ADGRL3: variants seen among roughly 807,000 people sequenced by gnomAD.
ADGRL3 encodes the protein calcium-independent alpha-latrotoxin receptor 3.
A neutral mutation model predicts 153.5 loss-of-function variants in ADGRL3; 62 were observed. The observed-to-expected ratio is 0.40, with a 90% CI of 0.33 to 0.50. The LOEUF (loss-of-function observed/expected upper bound fraction) is 0.50. ADGRL3 is among the 20% of genes least tolerant of loss of function. The pLI is 0.47. For synonymous variants in ADGRL3, 710 were observed against 672.5 expected, an observed-to-expected ratio of 1.06 and a Z score of -0.86; for missense variants, 1,641 against 1,859.4, an observed-to-expected ratio of 0.88 and a Z score of 2.16.
At chr4:61,680,444 GTGTGTT>G (rs1264113770) in intron 6 of ADGRL3, among the ~76,000 whole-genome samples, 1 of 128,210 alleles carries the variant, frequency 7.8e-6, no homozygotes. Flanking sequence ...GTGTGTGTGT[GTGTGTT>G]TCCATGGCAA....
chr4:61,455,465 T>C (rs2097723608), intron 2 of ADGRL3, among the ~76,000 whole-genome samples: 1 of 152,116 alleles, frequency 6.6e-6, no homozygotes, highest in African/African-American at 2.4e-5. Flanking sequence ...ATTCATTTAT[T>C]CAAGAAGTTT....
At chr4:61,832,800 T>C (rs975721505) in intron 9 of ADGRL3, among the ~76,000 whole-genome samples, 36 of 147,298 alleles carry the variant, frequency 2.4e-4, no homozygotes, top group African/African-American at 9.2e-4. Context: ...TTTCTCTCTC[T>C]GTTTTCTTTT....
chr4:61,957,330 T>A (rs78232212), intron 17 of ADGRL3, among the ~76,000 whole-genome samples: 4,042 of 152,224 alleles, frequency 0.027, 78 homozygotes, highest in Non-Finnish European at 0.04. Flanking sequence ...GATTTGGCTC[T>A]CTACTTGTCT....
At chr4:61,910,992 G>A (rs755255142) in intron 12 of ADGRL3, among the ~76,000 whole-genome samples, 2 of 151,652 alleles carry the variant, frequency 1.3e-5, no homozygotes, top group South Asian at 2.1e-4. Flanking sequence ...TGAGCATAAA[G>A]GAGTTATTTT....
At chr4:61,608,656 G>A (rs191851562) in intron 5 of ADGRL3, among the ~76,000 whole-genome samples, 13 of 152,140 alleles carry the variant, frequency 8.5e-5, no homozygotes, top group African/African-American at 1.4e-4. Context: ...TAAAATTTTC[G>A]TCTGTGAATT....
At chr4:61,501,453 A>G (rs1205554382) in intron 3 of ADGRL3, among the ~76,000 whole-genome samples, 1 of 152,142 alleles carries the variant, frequency 6.6e-6, no homozygotes, top group African/African-American at 2.4e-5. Context: ...ACCCCTGAGC[A>G]CTAGGTAAGG....
chr4:61,858,568 C>T (rs536352640), intron 9 of ADGRL3, among the ~76,000 whole-genome samples: 2 of 152,300 alleles, frequency 1.3e-5, no homozygotes, highest in Non-Finnish European at 2.9e-5. Flanking sequence ...TTTCAGTGAG[C>T]TGAGATTGTG....
chr4:61,438,475 C>T (rs2097482024), intron 2 of ADGRL3, among the ~76,000 whole-genome samples: 1 of 151,440 alleles, frequency 6.6e-6, no homozygotes, highest in South Asian at 2.1e-4. Flanking sequence ...AGTGATAGTA[C>T]ACTAAGTACT....
chr4:61,761,839 G>C (rs1310505204), intron 8 of ADGRL3, among the ~76,000 whole-genome samples: 2 of 152,238 alleles, frequency 1.3e-5, no homozygotes, highest in Non-Finnish European at 2.9e-5. Context: ...GCTGACGTGA[G>C]AGGAGTGCTT....
intron 10 of ADGRL3, among the ~76,000 whole-genome samples, chr4:61,894,187 T>A (rs1252322113): frequency 6.6e-6 from 1 of 152,180 alleles, no homozygotes; most frequent in Admixed American, 6.5e-5. Flanking sequence ...ATAAGAGAAA[T>A]TCACAACGTC....
chr4:61,754,606 G>GTATA (rs201445106), intron 8 of ADGRL3, among the ~76,000 whole-genome samples: 8 of 146,928 alleles, frequency 5.4e-5, no homozygotes, highest in African/African-American at 1.6e-4. Flanking sequence ...AGATCTGAGT[G>GTATA]TATATATATA....
chr4:61,668,072 C>CT (rs1371626477), intron 5 of ADGRL3, among the ~76,000 whole-genome samples: 1 of 152,154 alleles, frequency 6.6e-6, no homozygotes, highest in African/African-American at 2.4e-5. Flanking sequence ...GCTAAAGGGA[C>CT]TTTTCATATA....
At chr4:61,731,359 A>T (rs1275684725) in intron 7 of ADGRL3, among the ~76,000 whole-genome samples, 4 of 152,096 alleles carry the variant, frequency 2.6e-5, no homozygotes, top group Non-Finnish European at 4.4e-5. Flanking sequence ...GTTACTGTTT[A>T]AAAGCTAATC....
At chr4:61,362,126 C>T (rs993740920) in intron 1 of ADGRL3, among the ~76,000 whole-genome samples, 5 of 151,108 alleles carry the variant, frequency 3.3e-5, no homozygotes, top group Non-Finnish European at 7.4e-5. Context: ...CCTCAGCCTC[C>T]CGAGTAGCTG....
At chr4:61,867,276 A>C (rs2098406050) in intron 9 of ADGRL3, among the ~76,000 whole-genome samples, 1 of 151,772 alleles carries the variant, frequency 6.6e-6, no homozygotes, top group African/African-American at 2.4e-5. Flanking sequence ...AGGTGGGCAG[A>C]TCACTTGAGC....
At chr4:61,406,809 C>CTGT (rs1335178876) in intron 2 of ADGRL3, among the ~76,000 whole-genome samples, 7 of 151,978 alleles carry the variant, frequency 4.6e-5, no homozygotes, top group African/African-American at 1.4e-4. Flanking sequence ...ATATAAAACA[C>CTGT]TGTTAGTATT....
chr4:61,935,522 G>T (rs1178617137), intron 14 of ADGRL3, among the ~76,000 whole-genome samples: 1 of 152,036 alleles, frequency 6.6e-6, no homozygotes, highest in Non-Finnish European at 1.5e-5. Flanking sequence ...TTTTATTTCA[G>T]AAGTTAGGAA....
intron 25 of ADGRL3, among the ~76,000 whole-genome samples, chr4:62,057,812 G>A (rs1737875702): frequency 6.6e-6 from 1 of 152,094 alleles, no homozygotes; most frequent in Admixed American, 6.6e-5. Context: ...TGAGTAGCTG[G>A]TACTACAGGC....
intron 1 of ADGRL3, among the ~76,000 whole-genome samples, chr4:61,303,872 A>C (rs543428098): frequency 6.6e-6 from 1 of 152,340 alleles, no homozygotes; most frequent in South Asian, 2.1e-4. Context: ...AATCTGACAG[A>C]AAAATGAAGC....
Sources: gnomAD v4.1 joint callset for allele counts (sites outside exome capture counted in the v4.1 genomes callset) on GRCh38, gnomAD v4.1.1 for gene constraint, MANE v1.5 for transcripts, NCBI Gene and HGNC (gene_info 2026-07-23, HGNC 2026-07-21) for gene names.